Variants in KIAA0930 observed in about 807,000 individuals in gnomAD.
The protein encoded by KIAA0930 is KIAA0930.
A neutral mutation model predicts 43.9 loss-of-function variants in KIAA0930; 24 were observed. The observed-to-expected ratio is 0.55, with a 90% CI of 0.40 to 0.77. KIAA0930 has a LOEUF of 0.77. Among genes scored for constraint, KIAA0930 ranks in the 30% least tolerant of loss-of-function variants. The pLI, the probability that KIAA0930 is intolerant of heterozygous loss-of-function variation, is 0.00. For synonymous variants in KIAA0930, 259 were observed against 216.4 expected (o/e 1.20, Z -1.73); for missense variants, 461 against 574.2 (o/e 0.80, Z 2.02).
chr22:45,235,726 C>T (rs138945912), intron 1 of KIAA0930, among the ~76,000 whole-genome samples: 1 of 152,368 alleles, frequency 6.6e-6, no homozygotes, highest in Non-Finnish European at 1.5e-5. Flanking sequence ...GTACCTGCCA[C>T]GTCTCATTTA....
intron 1 of KIAA0930, among the ~76,000 whole-genome samples, chr22:45,226,614 T>C (rs1425571033): frequency 2.0e-5 from 3 of 152,068 alleles, no homozygotes; most frequent in Non-Finnish European, 4.4e-5. Flanking sequence ...AAACAGTGGT[T>C]CCATATTCAA....
chr22:45,198,451 T>A (rs2083556887), intron 8 of KIAA0930, among the ~76,000 whole-genome samples: 1 of 152,182 alleles, frequency 6.6e-6, no homozygotes, highest in Non-Finnish European at 1.5e-5. Context: ...GGGAAGGGGC[T>A]TGCCCAAGTT....
intron 1 of KIAA0930, among the ~76,000 whole-genome samples, chr22:45,230,716 G>C (rs889613025): frequency 4.6e-5 from 7 of 151,766 alleles, no homozygotes; most frequent in African/African-American, 1.5e-4. Flanking sequence ...TGAGTAGCTG[G>C]GATTACAGGC....
At chr22:45,240,163 G>A (rs1043247843) in intron 1 of KIAA0930, among the ~76,000 whole-genome samples, 3 of 152,194 alleles carry the variant, frequency 2.0e-5, no homozygotes, top group African/African-American at 4.8e-5. Flanking sequence ...CAAAGGCTTC[G>A]GGTAGCAGGA....
chr22:45,213,257 G>A (rs898842982), intron 1 of KIAA0930: 28 of 1,238,064 alleles, frequency 2.3e-5, no homozygotes, highest in African/African-American at 1.7e-4. Context: ...CCCAGCCCTC[G>A]GCCCTCAGCC....
At chr22:45,215,014 T>G (rs938167285) in intron 1 of KIAA0930, among the ~76,000 whole-genome samples, 1 of 152,170 alleles carries the variant, frequency 6.6e-6, no homozygotes, top group Non-Finnish European at 1.5e-5. Flanking sequence ...GGTCAGGAGT[T>G]CAAGACCAGC....
In KIAA0930 at chr22:45,194,052, C is replaced by CTTTTTTTTTTTTTTTTT. The variant is rs71190644; in HGVS notation, c.*3107_*3123dup. The CTTTTTTTTTTTTTTTTT allele has an allele frequency of 1.1e-4, 5 of 44,346 alleles. 2 individuals are homozygous for CTTTTTTTTTTTTTTTTT. Among genetic ancestry groups the CTTTTTTTTTTTTTTTTT allele is most frequent in the Admixed American group, 3.7e-4 (1 of 2,686 alleles). 2.7% of individuals were successfully genotyped at this position (44,346 alleles called of 1,614,324 possible). On this transcript the variant is annotated 3_prime_UTR_variant, in exon 10 of 10. Coordinates refer to ENST00000336156, the MANE Select transcript of KIAA0930 (RefSeq NM_001009880.2). ...GGTTTGGGTTTAAAGACCAATGTAT[C>CTTTTTTTTTTTTTTTTT]TTTTTTTTTTTTTTTTTTTTTTTTT...
chr22:45,238,218 G>A (rs1207769525), intron 1 of KIAA0930, among the ~76,000 whole-genome samples: 2 of 152,058 alleles, frequency 1.3e-5, no homozygotes, highest in Admixed American at 6.5e-5. Context: ...GAGCCACCAC[G>A]CCCGGCCAAA....
In KIAA0930 at chr22:45,196,297, GAA is replaced by G. The variant is rs1192275968; in HGVS notation, c.*877_*878del. ...TGAGTTCTAGGAAACCAGGGAAGAT[GAA>G]AAGACACCCCCGCCCCCAGAAGACG... On this transcript the variant is annotated 3_prime_UTR_variant, in exon 10 of 10. Coordinates refer to ENST00000336156, the MANE Select transcript of KIAA0930 (RefSeq NM_001009880.2). The surrounding 1 kb of genome is among the most constrained non-coding windows in gnomAD (Gnocchi z 4.1). 2 of 152,462 alleles carry G rather than the reference GAA, an allele frequency of 1.3e-5. No individual in the cohort carries two copies. Among genetic ancestry groups the G allele is most frequent in the African/African-American group, 4.8e-5 (2 of 41,440 alleles). The allele number at this position is 152,462 out of a possible 1,614,324, so 9.4% of individuals were successfully genotyped here.
At chr22:45,235,881 GC>G (rs752490102) in intron 1 of KIAA0930, among the ~76,000 whole-genome samples, 14 of 152,256 alleles carry the variant, frequency 9.2e-5, no homozygotes, top group Non-Finnish European at 1.9e-4. Context: ...CCCACTAAAG[GC>G]CCCCCGGCCC....
chr22:45,210,882 G>T (rs1033481910), intron 2 of KIAA0930, among the ~76,000 whole-genome samples: 3 of 116,046 alleles, frequency 2.6e-5, no homozygotes, highest in Non-Finnish European at 5.4e-5. Flanking sequence ...GAATCCAATG[G>T]GCCCTTCAGA....
intron 2 of KIAA0930, among the ~76,000 whole-genome samples, chr22:45,207,164 AC>A (rs2083645633): frequency 7.0e-6 from 1 of 142,612 alleles, no homozygotes; most frequent in African/African-American, 2.6e-5. Context: ...CTGCCACCAC[AC>A]CTGGCTAATT....
chr22:45,237,924 CTTT>C (rs35293203), intron 1 of KIAA0930, among the ~76,000 whole-genome samples: 5 of 143,682 alleles, frequency 3.5e-5, no homozygotes, highest in Non-Finnish European at 4.6e-5. Context: ...AAAATGAGCC[CTTT>C]TTTTTTTTTT....
At chr22:45,212,703 A>G (rs10483227) in intron 1 of KIAA0930, among the ~76,000 whole-genome samples, 5,544 of 152,350 alleles carry the variant, frequency 0.036, 348 homozygotes, top group African/African-American at 0.13. Flanking sequence ...TTCTCCTTCT[A>G]TTACAAATGG....
chr22:45,209,581 C>T (rs573846315), intron 2 of KIAA0930, among the ~76,000 whole-genome samples: 16 of 152,292 alleles, frequency 1.1e-4, no homozygotes, highest in Admixed American at 5.2e-4. Context: ...TCCTACAACC[C>T]GCCCGCCAGA....
At chr22:45,199,847 C>A in intron 8 of KIAA0930, 26 bp downstream of exon 8, 2 of 1,529,912 alleles carry the variant, frequency 1.3e-6, no homozygotes, top group Non-Finnish European at 1.8e-6. Flanking sequence ...GGCACGGGGA[C>A]CCTAGGGCAC....
rs937463888 is a variant in KIAA0930 at position 45,240,507 on chromosome 22, C to A, written c.64+133G>T. The A allele has an allele frequency of 8.9e-6, 5 of 562,486 alleles. No homozygotes were observed. In the Admixed American group the frequency reaches 1.5e-4, roughly 17 times the overall value. The allele number at this position is 562,486 out of a possible 1,614,324, so 34.8% of individuals were successfully genotyped here. The stretch of plus-strand genomic sequence containing the variant: ...GGGCCATGGAGGAAGACAGGGTACC[C>A]AGGCAGACCCAGAGACCACGACACC... On this transcript the variant is annotated intron_variant, in intron 1 of 9. Coordinates refer to ENST00000336156, the MANE Select transcript of KIAA0930 (RefSeq NM_001009880.2).
chr22:45,209,334 CG>C (rs1427911160), intron 2 of KIAA0930, among the ~76,000 whole-genome samples: 1 of 152,130 alleles, frequency 6.6e-6, no homozygotes. Flanking sequence ...GGGGTCTCCC[CG>C]TCTCCCCATC....
intron 1 of KIAA0930, among the ~76,000 whole-genome samples, chr22:45,227,386 G>A (rs1026682840): frequency 2.6e-5 from 4 of 152,140 alleles, no homozygotes; most frequent in African/African-American, 9.7e-5. Flanking sequence ...AAACCAGGGG[G>A]CTGGGCTCTG....
Sources: allele counts gnomAD v4.1 joint callset (sites outside exome capture counted in the v4.1 genomes callset), GRCh38; gene constraint gnomAD v4.1.1; non-coding constraint Gnocchi (gnomAD v3.1); transcripts MANE v1.5; gene names NCBI Gene and HGNC (gene_info 2026-07-23, HGNC 2026-07-21).